Variants in GBE1 observed in about 807,000 individuals in gnomAD.
The protein encoded by GBE1 is 1,4-alpha-glucan branching enzyme 1, also known as 1,4-alpha-glucan-branching enzyme.
A neutral mutation model predicts 88.8 loss-of-function variants in GBE1; 70 were observed. The observed-to-expected ratio is 0.79, with a 90% CI of 0.65 to 0.96. GBE1 has a LOEUF of 0.96. GBE1 is among the 40% of genes least tolerant of loss of function. GBE1 has a pLI of 0.00. For missense variants in GBE1, 872 were observed against 871.0 expected (o/e 1.00, Z -0.01); for synonymous variants, 284 against 300.1 (o/e 0.95, Z 0.56).
rs937683680 is a variant in GBE1, at chr3:81,537,048, T to A, written c.1666A>T (p.Asn556Tyr). The change falls in exon 13 of 16, where the codon AAT becomes TAT. Residue 556 changes from asparagine (N) to tyrosine (Y), a missense_variant. Asn to Tyr is a moderately radical substitution (Grantham distance 143). Transcript: ENST00000429644. ...CTGGCATAATGGTAACTCTCATTAT[T>A]TCCTTTTCTTGGGAAGTCTAACCAT... ...PEWLDFPRKGNNESYHYARRQ... is the reference protein window; with the variant it reads ...PEWLDFPRKGYNESYHYARRQ... The A allele has an allele frequency of 3.8e-6, 6 of 1,569,070 alleles. No individual in the cohort carries two copies. Among genetic ancestry groups the A allele is most frequent in the Non-Finnish European group, 5.2e-6 (6 of 1,161,906 alleles).
chr3:81,673,331 A>G (rs1303336602), intron 2 of GBE1, among the ~76,000 whole-genome samples: 1 of 151,762 alleles, frequency 6.6e-6, no homozygotes, highest in Non-Finnish European at 1.5e-5. Flanking sequence ...TTAAATATGT[A>G]CTCCGTGCTT....
At chr3:81,668,348 A>C (rs1266624954) in intron 3 of GBE1, among the ~76,000 whole-genome samples, 1 of 152,188 alleles carries the variant, frequency 6.6e-6, no homozygotes, top group Non-Finnish European at 1.5e-5. Context: ...AAATCAAAAT[A>C]AAAAATGAAA....
In GBE1 at chr3:81,490,098, A is replaced by G; in HGVS notation, c.*309T>C. Reference sequence around the variant, plus strand: ...CAAATGATTCAAATTTGAATTTAAAAGGATCAAATAATTAGCCAGGAAAGC... The same window carrying G: ...CAAATGATTCAAATTTGAATTTAAAGGGATCAAATAATTAGCCAGGAAAGC... On this transcript the variant is annotated 3_prime_UTR_variant, in exon 16 of 16. Transcript: ENST00000429644. The G allele has an allele frequency of 7.0e-6, 2 of 285,558 alleles. No homozygotes were observed. Among genetic ancestry groups the G allele is most frequent in the Non-Finnish European group, 1.3e-5 (2 of 154,442 alleles). 17.7% of individuals were successfully genotyped at this position (285,558 alleles called of 1,614,324 possible). A position where few individuals can be genotyped will look rare whatever the true frequency, so the allele number is the denominator to read the frequency against.
At chr3:81,682,974 G>A (rs1335192555) in intron 2 of GBE1, among the ~76,000 whole-genome samples, 1 of 152,176 alleles carries the variant, frequency 6.6e-6, no homozygotes, top group Non-Finnish European at 1.5e-5. Context: ...CATGCTAAGT[G>A]AAAGAATCAC....
rs749862579 is a variant in GBE1 at position 81,593,962 on chromosome 3, C to G, written c.1054G>C (p.Asp352His). 1 of 1,587,182 alleles carries G rather than the reference C, an allele frequency of 6.3e-7. No homozygotes were observed. Among genetic ancestry groups the G allele is most frequent in the South Asian group, 1.2e-5 (1 of 86,518 alleles). The change falls in exon 8 of 16, where the codon GAT (aspartate) becomes CAT (histidine). Residue 352 changes from aspartate (D) to histidine (H), a missense_variant. Coordinates refer to ENST00000429644, the MANE Select transcript of GBE1 (RefSeq NM_000158.4). ...GTAACACCATCAAAACGAAATCCAT[C>G]AAAGCGATATTCTTCCAACCACCAT... ...IRWWLEEYRF[D>H]GFRFDGVTSM...
chr3:81,670,997 T>A, intron 2 of GBE1, 44 bp from the exon 3 acceptor site: 1 of 829,754 alleles, frequency 1.2e-6, no homozygotes, highest in Non-Finnish European at 1.8e-6. Flanking sequence ...ATGATAGGAC[T>A]AATAGTTAAT....
intron 3 of GBE1, among the ~76,000 whole-genome samples, chr3:81,653,072 T>C (rs528918714): frequency 5.3e-5 from 8 of 152,318 alleles, no homozygotes; most frequent in South Asian, 2.1e-4. Flanking sequence ...GTTCACTTGA[T>C]ACTGTCAAAT....
intron 2 of GBE1, among the ~76,000 whole-genome samples, chr3:81,695,404 G>T (rs1304604392): frequency 6.6e-6 from 1 of 152,188 alleles, no homozygotes; most frequent in African/African-American, 2.4e-5. Context: ...AAGCCCAGAT[G>T]TATGATTCCA....
chr3:81,525,655 C>T (rs959194744), intron 14 of GBE1, among the ~76,000 whole-genome samples: 1 of 152,060 alleles, frequency 6.6e-6, no homozygotes, highest in Non-Finnish European at 1.5e-5. Flanking sequence ...GTGAATCCAT[C>T]TGGTCCTGGA....
chr3:81,536,870 C>G, intron 13 of GBE1, 41 bp downstream of exon 13: 1 of 1,478,370 alleles, frequency 6.8e-7, no homozygotes, highest in Middle Eastern at 1.9e-4. Context: ...GCATGTACCT[C>G]ATTGGTGACT....
At chr3:81,577,835 A>G (rs1703669093) in intron 12 of GBE1, 90 bp downstream of exon 12, 1 of 1,079,906 alleles carries the variant, frequency 9.3e-7, no homozygotes, top group South Asian at 1.7e-5. Flanking sequence ...TCTAAATCTG[A>G]AAAGCCAAAT....
chr3:81,618,717 G>A (rs193273286), intron 7 of GBE1, among the ~76,000 whole-genome samples: 21 of 152,170 alleles, frequency 1.4e-4, no homozygotes, highest in Admixed American at 1.1e-3. Flanking sequence ...TGTATTAAGA[G>A]GTTAGAAATG....
At chr3:81,653,201 C>T (rs1457484288) in intron 3 of GBE1, among the ~76,000 whole-genome samples, 1 of 152,116 alleles carries the variant, frequency 6.6e-6, no homozygotes, top group African/African-American at 2.4e-5. Context: ...CAGTGGCTCA[C>T]ACCTACAATC....
At chr3:81,716,904 G>A (rs375790756) in intron 1 of GBE1, among the ~76,000 whole-genome samples, 3 of 152,048 alleles carry the variant, frequency 2.0e-5, no homozygotes, top group Admixed American at 6.6e-5. Flanking sequence ...CCTAACAAAC[G>A]CTCACACATA....
intron 14 of GBE1, among the ~76,000 whole-genome samples, chr3:81,519,486 G>T (rs1464475918): frequency 2.0e-5 from 3 of 151,338 alleles, no homozygotes; most frequent in African/African-American, 7.3e-5. Context: ...TCAAAAGTAT[G>T]CTGATAAATA....
At chr3:81,743,027 CCT>C (rs1390101987) in intron 1 of GBE1, among the ~76,000 whole-genome samples, 15 of 152,160 alleles carry the variant, frequency 9.9e-5, no homozygotes, top group East Asian at 3.9e-4. Context: ...GCAAAACACC[CCT>C]GAGTACAAAT....
chr3:81,680,377 T>C (rs1260284509), intron 2 of GBE1, among the ~76,000 whole-genome samples: 1 of 150,878 alleles, frequency 6.6e-6, no homozygotes, highest in Non-Finnish European at 1.5e-5. Flanking sequence ...GGCACTGTAA[T>C]CCCAGCTACT....
At chr3:81,754,708 A>C (rs1477315413) in intron 1 of GBE1, among the ~76,000 whole-genome samples, 1 of 152,180 alleles carries the variant, frequency 6.6e-6, no homozygotes, top group African/African-American at 2.4e-5. Flanking sequence ...CAAAGGTGCC[A>C]AGAACTTAAA....
chr3:81,610,475 A>G (rs530404557), intron 7 of GBE1, among the ~76,000 whole-genome samples: 14 of 152,326 alleles, frequency 9.2e-5, no homozygotes, highest in African/African-American at 3.1e-4. Context: ...ACTTCATAAG[A>G]AAAGACCTAT....
Sources: gnomAD v4.1 joint callset for allele counts (sites outside exome capture counted in the v4.1 genomes callset) on GRCh38, gnomAD v4.1.1 for gene constraint, MANE v1.5 for transcripts, NCBI Gene and HGNC (gene_info 2026-07-23, HGNC 2026-07-21) for gene names.